The following KCNT1 variants were observed in gnomAD, a reference collection of about 807,000 sequenced individuals.
KCNT1 encodes potassium channel subfamily T member 1.
In KCNT1, 78 loss-of-function variants were observed where a neutral mutation model predicts 147.8. That is an observed-to-expected ratio of 0.53 (90% confidence interval 0.44 to 0.64). KCNT1 has a LOEUF of 0.64. Among genes scored for constraint, KCNT1 ranks in the 30% least tolerant of loss-of-function variants. KCNT1 has a pLI of 0.00. For synonymous variants in KCNT1, 867 were observed against 748.8 expected, an observed-to-expected ratio of 1.16 and a Z score of -2.58; for missense variants, 1,419 against 1,750.3, an observed-to-expected ratio of 0.81 and a Z score of 3.38.
intron 2 of KCNT1, among the ~76,000 whole-genome samples, chr9:135,734,807 A>C (rs1830269258): frequency 6.6e-6 from 1 of 152,110 alleles, no homozygotes; most frequent in Non-Finnish European, 1.5e-5. Context: ...TCCGCAGCCC[A>C]GGCACCCTCC....
chr9:135,705,873 G>T (rs528586851), intron 1 of KCNT1, among the ~76,000 whole-genome samples: 3 of 152,100 alleles, frequency 2.0e-5, no homozygotes, highest in African/African-American at 7.2e-5. Context: ...CTTGAGAGGG[G>T]GCCTCCAGCT....
At chr9:135,748,464 G>A (rs1182480485) in intron 2 of KCNT1, among the ~76,000 whole-genome samples, 1 of 152,246 alleles carries the variant, frequency 6.6e-6, no homozygotes, top group Non-Finnish European at 1.5e-5. Context: ...GCCAGGCAGT[G>A]ACATCAAATT....
intron 2 of KCNT1, among the ~76,000 whole-genome samples, chr9:135,732,511 C>G (rs4842030): frequency 0.014 from 2,181 of 152,102 alleles, 75 homozygotes; most frequent in East Asian, 0.11. Flanking sequence ...CTGGCTTGGG[C>G]TCATTGAGTC....
intron 25 of KCNT1, 41 bp downstream of exon 25, chr9:135,784,166 G>T: frequency 6.8e-7 from 1 of 1,475,786 alleles, no homozygotes; most frequent in South Asian, 1.1e-5. Context: ...CGCCTGGGTG[G>T]GACCCCCGTC....
intron 2 of KCNT1, among the ~76,000 whole-genome samples, chr9:135,745,066 G>A (rs1419631455): frequency 1.3e-5 from 2 of 152,242 alleles, no homozygotes; most frequent in Admixed American, 6.5e-5. Flanking sequence ...TGCAGCACCC[G>A]CTGCCGGGTG....
chr9:135,768,210 C>T (rs1483613984), intron 13 of KCNT1, among the ~76,000 whole-genome samples: 2 of 94,060 alleles, frequency 2.1e-5, no homozygotes, highest in Non-Finnish European at 4.0e-5. Context: ...AGGGATGGGC[C>T]AGGGAGTCTG....
At chr9:135,778,282 G>A (rs1486116530) in intron 21 of KCNT1, 142 bp from the exon 22 acceptor site, 4 of 689,424 alleles carry the variant, frequency 5.8e-6, no homozygotes, top group Non-Finnish European at 9.8e-6. Flanking sequence ...TGGCCTTAAA[G>A]TACTCCCCAG....
At chr9:135,727,347 C>T (rs1460799166) in intron 2 of KCNT1, among the ~76,000 whole-genome samples, 7 of 134,256 alleles carry the variant, frequency 5.2e-5, no homozygotes, top group Non-Finnish European at 9.7e-5. Flanking sequence ...CTCTTTCTCC[C>T]TCTTTCCCAT....
chr9:135,713,809 GA>G (rs1203670433), intron 1 of KCNT1, among the ~76,000 whole-genome samples: 3 of 152,190 alleles, frequency 2.0e-5, no homozygotes, highest in Admixed American at 1.3e-4. Context: ...AAGACCCCTG[GA>G]AGACACCTGC....
intron 1 of KCNT1, among the ~76,000 whole-genome samples, chr9:135,710,254 C>A (rs1389152916): frequency 6.6e-6 from 1 of 152,148 alleles, no homozygotes; most frequent in East Asian, 1.9e-4. Context: ...TCCATCTTGT[C>A]CTTGGTTTGG....
chr9:135,789,887 C>G (rs982069477), intron 29 of KCNT1: 1 of 152,432 alleles, frequency 6.6e-6, no homozygotes, highest in East Asian at 1.9e-4. Context: ...GCACCGTGGA[C>G]ACGCGAAGCT....
intron 5 of KCNT1, among the ~76,000 whole-genome samples, chr9:135,754,405 C>T (rs1267323819): frequency 6.6e-6 from 1 of 152,212 alleles, no homozygotes; most frequent in Admixed American, 6.5e-5. Flanking sequence ...CAAGGAAGCC[C>T]GTCTCCCAGT....
intron 11 of KCNT1, among the ~76,000 whole-genome samples, chr9:135,764,773 CCA>C (rs1181536675): frequency 6.6e-6 from 1 of 152,192 alleles, no homozygotes; most frequent in African/African-American, 2.4e-5. Context: ...TCGGTTTACT[CCA>C]CAGTCTCCAG....
At chr9:135,759,629 GC>G in intron 10 of KCNT1, 49 bp from the exon 11 acceptor site, 6 of 1,540,954 alleles carry the variant, frequency 3.9e-6, no homozygotes, top group Non-Finnish European at 4.4e-6. Flanking sequence ...AGGGGCCACG[GC>G]CCCCCAGCTC....
chr9:135,707,122 CAA>C (rs961135694), intron 1 of KCNT1, among the ~76,000 whole-genome samples: 1 of 128,816 alleles, frequency 7.8e-6, no homozygotes. Context: ...CCTGTCTCTA[CAA>C]AAAAAAAAAA....
In KCNT1 at chr9:135,714,876, G is replaced by C. The variant is rs531911824; in HGVS notation, c.254+156G>C. Among the ~76,000 whole-genome samples the C allele has an allele frequency of 2.0e-5, 3 of 152,162 alleles. No individual in the cohort carries two copies. Among genetic ancestry groups the C allele is most frequent in the Non-Finnish European group, 4.4e-5 (3 of 68,022 alleles). On this transcript the variant is annotated intron_variant, in intron 2 of 30. Coordinates refer to ENST00000371757, the MANE Select transcript of KCNT1 (RefSeq NM_020822.3). This position sits in a 1 kb window ranked among gnomAD's most constrained non-coding sequence, Gnocchi z 6.2. The stretch of plus-strand genomic sequence containing the variant: ...CTTCTGGGGACGCAGAAGTTTCGGA[G>C]GGGGTGCGGGCAGGGGGAAGCATCT...
At position 135,786,395 on chromosome 9, in the gene KCNT1, C is replaced by G. The variant is rs763400879; in HGVS notation, c.3376C>G (p.Arg1126Gly). The G allele has an allele frequency of 6.4e-7, 1 of 1,574,126 alleles. No individual in the cohort carries two copies. Among genetic ancestry groups the G allele is most frequent in the East Asian group, 2.3e-5 (1 of 42,762 alleles). ...CCGCAAGGCGCCCAAGCAGGCAGGC[C>G]GGGCGGCGGCCGCGGAGTGGATCAG... The part of the protein sequence containing the change: ...LSRKAPKQAG[R>G]AAAAEWISQQ... Residue 1126 changes from arginine to glycine, a missense_variant, in exon 29 of 31, where the codon CGG (arginine) becomes GGG (glycine). Physicochemically the swap from Arg to Gly is moderately radical, Grantham distance 125. This residue lies in a region of KCNT1 where 306 missense variants were observed against 294.2 expected (regional missense o/e 1.04). Coordinates refer to ENST00000371757, the MANE Select transcript of KCNT1 (RefSeq NM_020822.3).
intron 2 of KCNT1, among the ~76,000 whole-genome samples, chr9:135,731,960 G>GCATATA (rs1554766096): frequency 2.4e-5 from 1 of 41,414 alleles, no homozygotes; most frequent in South Asian, 9.3e-4. Context: ...AAATATGCGT[G>GCATATA]TATATATATA....
chr9:135,784,841 C>A lies in KCNT1; in HGVS notation c.3108C>A (p.Ile1036=), dbSNP rs370878235. The change falls in exon 27 of 31, where the codon ATC becomes ATA. Residue 1036 remains isoleucine, a synonymous_variant. Transcript: ENST00000371757. ...AGCTCTGCTCCTCCAGCGCCGAGAT[C>A]CCCATTGGCATCTACCGGACAGAGA... ...FQKLCSSSAE[I]PIGIYRTESH... 8 of 1,612,740 alleles carry A rather than the reference C, an allele frequency of 5.0e-6. No individual in the cohort carries two copies. The highest frequency in any genetic ancestry group is 6.8e-6 in the Non-Finnish European group (8 of 1,179,998).
Sources: allele counts gnomAD v4.1 joint callset (sites outside exome capture counted in the v4.1 genomes callset), GRCh38; gene constraint gnomAD v4.1.1; regional missense constraint gnomAD v4.1.1; non-coding constraint Gnocchi (gnomAD v3.1); transcripts MANE v1.5; gene names NCBI Gene and HGNC (gene_info 2026-07-23, HGNC 2026-07-21).